PPA2: variants seen among roughly 807,000 people sequenced by gnomAD.
The protein encoded by PPA2 is inorganic pyrophosphatase 2, mitochondrial.
Under a neutral mutation model 49.5 loss-of-function variants are expected in PPA2, and 48 were observed. The ratio of observed to expected loss-of-function variants is 0.97; its 90% CI spans 0.77 to 1.23. PPA2 has a LOEUF of 1.23. PPA2 is among the 50% of genes most tolerant of loss of function. The pLI is 0.00. For synonymous variants in PPA2, 131 were observed against 139.9 expected (o/e 0.94, Z 0.45); for missense variants, 429 against 410.1 (o/e 1.05, Z -0.40).
intron 4 of PPA2, chr4:105,448,185 C>T (rs1371621797): frequency 7.7e-6 from 2 of 261,206 alleles, no homozygotes; most frequent in African/African-American, 4.6e-5. Context: ...GCATCCTCCA[C>T]CTAACTGAGG....
intron 8 of PPA2, among the ~76,000 whole-genome samples, chr4:105,396,769 A>C (rs1205547691): frequency 1.3e-5 from 2 of 152,194 alleles, no homozygotes; most frequent in Non-Finnish European, 2.9e-5. Flanking sequence ...TACAGAAAAA[A>C]GTTTGCCAAC....
At chr4:105,380,155 G>A (rs1032890831) in intron 10 of PPA2, among the ~76,000 whole-genome samples, 2 of 151,976 alleles carry the variant, frequency 1.3e-5, no homozygotes, top group Admixed American at 6.6e-5. Flanking sequence ...GCTTAGAGTC[G>A]TGTTTATAGA....
chr4:105,446,314 G>T, intron 5 of PPA2, 69 bp downstream of exon 5: 6 of 1,446,556 alleles, frequency 4.1e-6, no homozygotes, highest in Non-Finnish European at 4.6e-6. Context: ...AAATTCAGTA[G>T]TTCACAGGAT....
intron 5 of PPA2, among the ~76,000 whole-genome samples, chr4:105,438,245 TTGC>T (rs1196483915): frequency 6.6e-6 from 1 of 152,232 alleles, no homozygotes; most frequent in Non-Finnish European, 1.5e-5. Flanking sequence ...CATCTCTCAG[TTGC>T]TGGTATAATT....
chr4:105,405,331 T>C, intron 7 of PPA2: 3 of 764,152 alleles, frequency 3.9e-6, no homozygotes, highest in South Asian at 6.0e-5. Flanking sequence ...TATACACATA[T>C]AGTTTTTCAC....
chr4:105,380,317 A>T (rs140398622), intron 10 of PPA2, among the ~76,000 whole-genome samples: 34 of 152,252 alleles, frequency 2.2e-4, no homozygotes, highest in Admixed American at 5.2e-4. Flanking sequence ...TTTTCTCTTA[A>T]TATCTGTAGA....
At chr4:105,392,157 G>GA (rs1159356670) in intron 9 of PPA2, among the ~76,000 whole-genome samples, 2 of 152,012 alleles carry the variant, frequency 1.3e-5, no homozygotes, top group Admixed American at 6.6e-5. Flanking sequence ...ATTTCTCCCA[G>GA]AATCAAGTTT....
Position 105,438,236 on chromosome 4 carries a change from A to G in PPA2, c.442-200T>C, listed in dbSNP as rs2713863. ...AAAACAGATTTATAGTATTTCCTCC[A>G]TCTCTCAGTTGCTGGTATAATTGCA... On this transcript the variant is annotated intron_variant, in intron 5 of 11. Transcript: ENST00000341695. Among the ~76,000 whole-genome samples, 91,998 of 152,104 alleles carry G rather than the reference A, an allele frequency of 0.6. 27,847 individuals carry two copies. Among genetic ancestry groups the G allele is most frequent in the East Asian group, 0.68 (3,519 of 5,176 alleles).
chr4:105,378,558 A>G (rs990459363), intron 10 of PPA2, among the ~76,000 whole-genome samples: 4 of 152,102 alleles, frequency 2.6e-5, no homozygotes, highest in Admixed American at 2.0e-4. Context: ...TTCTCCTAAG[A>G]ATGCCTTTTG....
chr4:105,474,010 G>A lies in PPA2; in HGVS notation c.41C>T (p.Ala14Val). 3 of 1,603,980 alleles carry A rather than the reference G, an allele frequency of 1.9e-6. No homozygotes were observed. Among genetic ancestry groups the A allele is most frequent in the African/African-American group, 2.7e-5 (2 of 74,646 alleles). Residue 14 changes from alanine (A) to valine (V), a missense_variant, in exon 1 of 12, where the codon GCC becomes GTC. Ala to Val is a moderately conservative substitution (Grantham distance 64, BLOSUM62 0). Transcript: ENST00000341695. ...GGTCCCCAACCGCAGGCACGCAGCGGCTGGGGCACCCGTGCGCAGCAGCCG... is the reference window on the plus strand; with the variant it reads ...GGTCCCCAACCGCAGGCACGCAGCGACTGGGGCACCCGTGCGCAGCAGCCG... ...LLRLLRTGAP[A>V]AACLRLGTSA... is the part of the protein sequence containing the mutation.
intron 7 of PPA2, among the ~76,000 whole-genome samples, chr4:105,415,362 T>A (rs527531667): frequency 6.6e-6 from 1 of 152,208 alleles, no homozygotes; most frequent in Admixed American, 6.5e-5. Flanking sequence ...CTCCCTCCCA[T>A]GCTCGTCAGC....
chr4:105,396,929 G>A (rs1481126402), intron 8 of PPA2, among the ~76,000 whole-genome samples: 2 of 152,052 alleles, frequency 1.3e-5, no homozygotes. Context: ...TTTTTCAATC[G>A]AAGTAATTTT....
chr4:105,414,007 T>A (rs1158787285), intron 7 of PPA2, among the ~76,000 whole-genome samples: 1 of 152,274 alleles, frequency 6.6e-6, no homozygotes, highest in African/African-American at 2.4e-5. Context: ...ACCAAAAGAA[T>A]GTCAACCCCA....
chr4:105,473,400 T>G, intron 1 of PPA2: 6 of 362,172 alleles, frequency 1.7e-5, no homozygotes. Context: ...GAAGACGCGC[T>G]GGATTAGGCA....
At chr4:105,465,255 T>C (rs1020158679) in intron 1 of PPA2, among the ~76,000 whole-genome samples, 1 of 152,214 alleles carries the variant, frequency 6.6e-6, no homozygotes, top group Admixed American at 6.5e-5. Context: ...TTAAATTTCC[T>C]TTTTTGGTTC....
chr4:105,369,866 A>C, intron 11 of PPA2, 113 bp from the exon 12 acceptor site: 4 of 950,838 alleles, frequency 4.2e-6, no homozygotes, highest in Non-Finnish European at 5.0e-6. Flanking sequence ...AGATACAAAC[A>C]GTCATAAGCT....
chr4:105,438,088 T>G (rs1279948715), intron 5 of PPA2, 52 bp from the exon 6 acceptor site: 4 of 1,215,410 alleles, frequency 3.3e-6, no homozygotes, highest in Admixed American at 2.4e-5. Flanking sequence ...TACTATAATG[T>G]ACTTTAATCT....
In PPA2 at chr4:105,447,267, T is replaced by G. The variant is rs565247857; in HGVS notation, c.322-765A>C. Among the ~76,000 whole-genome samples the G allele has an allele frequency of 3.9e-5, 6 of 152,322 alleles. No individual in the cohort carries two copies. In the South Asian group the frequency reaches 1.2e-3, roughly 32 times the overall value. ...ACATGGATGAAACTGGAGAACATTA[T>G]GGCAAGTGAAATAAGCCAGGCACAG... On this transcript the variant is annotated intron_variant, in intron 4 of 11. Coordinates refer to ENST00000341695, the MANE Select transcript of PPA2 (RefSeq NM_176869.3).
intron 9 of PPA2, among the ~76,000 whole-genome samples, chr4:105,389,922 C>T (rs1733844771): frequency 6.6e-6 from 1 of 152,066 alleles, no homozygotes; most frequent in South Asian, 2.1e-4. Flanking sequence ...GCCAAAACAA[C>T]TGAGGCTATC....
Sources: gnomAD v4.1 joint callset for allele counts (sites outside exome capture counted in the v4.1 genomes callset) on GRCh38, gnomAD v4.1.1 for gene constraint, MANE v1.5 for transcripts, NCBI Gene and HGNC (gene_info 2026-07-23, HGNC 2026-07-21) for gene names.